GRM7: variants seen among roughly 807,000 people sequenced by gnomAD.
The protein encoded by GRM7 is glutamate metabotropic receptor 7, also known as metabotropic glutamate receptor 7.
Under a neutral mutation model 84.5 loss-of-function variants are expected in GRM7, and 35 were observed. The observed-to-expected ratio is 0.41, with a 90% confidence interval of 0.32 to 0.55. GRM7 has a LOEUF of 0.55. Ranked by LOEUF, GRM7 falls within the 20% of genes least tolerant of loss-of-function variation. The pLI is 0.19. For synonymous variants in GRM7, 487 were observed against 455.1 expected (o/e 1.07, Z -0.89); for missense variants, 1,003 against 1,194.6 (o/e 0.84, Z 2.36).
At chr3:7,245,120 A>G (rs1697709398) in intron 2 of GRM7, among the ~76,000 whole-genome samples, 1 of 152,088 alleles carries the variant, frequency 6.6e-6, no homozygotes, top group Admixed American at 6.6e-5. Flanking sequence ...AGAAATCTCA[A>G]CTGAAACCCA....
intron 1 of GRM7, among the ~76,000 whole-genome samples, chr3:6,936,669 T>C (rs185713310): frequency 6.6e-6 from 1 of 152,334 alleles, no homozygotes; most frequent in Admixed American, 6.5e-5. Context: ...AGTCTTCTAA[T>C]CTTTGTGTGT....
At chr3:7,688,338 T>TTGCTTAATAATGCTTAATAATAAA (rs1253165993) in intron 9 of GRM7, among the ~76,000 whole-genome samples, 28 of 152,248 alleles carry the variant, frequency 1.8e-4, no homozygotes, top group African/African-American at 5.5e-4. Flanking sequence ...AGGGGAATAA[T>TTGCTTAATAATGCTTAATAATAAA]TGCTTAATAA....
At chr3:7,338,383 T>C (rs1048511413) in intron 4 of GRM7, among the ~76,000 whole-genome samples, 1 of 151,868 alleles carries the variant, frequency 6.6e-6, no homozygotes, top group African/African-American at 2.4e-5. Context: ...AGACTACACA[T>C]TGGGTGCAGT....
intron 1 of GRM7, among the ~76,000 whole-genome samples, chr3:6,956,307 C>T (rs1693045892): frequency 2.0e-5 from 3 of 152,154 alleles, no homozygotes. Context: ...TAATATTCTA[C>T]TATGGGTGTT....
At chr3:7,251,289 G>A (rs1465982969) in intron 2 of GRM7, among the ~76,000 whole-genome samples, 2 of 150,160 alleles carry the variant, frequency 1.3e-5, no homozygotes, top group Non-Finnish European at 2.9e-5. Flanking sequence ...AAGGGAAGTA[G>A]TTCAGTTACT....
At chr3:6,864,704 T>G (rs1390271644) in intron 1 of GRM7, among the ~76,000 whole-genome samples, 1 of 152,186 alleles carries the variant, frequency 6.6e-6, no homozygotes, top group African/African-American at 2.4e-5. Flanking sequence ...GAGATAAGAC[T>G]GTAGGCTAGA....
intron 1 of GRM7, among the ~76,000 whole-genome samples, chr3:6,872,546 G>GTTC (rs1695157451): frequency 6.6e-6 from 1 of 152,030 alleles, no homozygotes; most frequent in African/African-American, 2.4e-5. Flanking sequence ...ATGTGCCATG[G>GTTC]TGGTTTGCTG....
chr3:7,161,019 T>A (rs1574975252), intron 2 of GRM7, among the ~76,000 whole-genome samples: 1 of 152,146 alleles, frequency 6.6e-6, no homozygotes, highest in Non-Finnish European at 1.5e-5. Context: ...TTAACCACCA[T>A]GGGAAAATTA....
chr3:7,645,116 G>T (rs1245039605), intron 8 of GRM7, among the ~76,000 whole-genome samples: 1 of 152,034 alleles, frequency 6.6e-6, no homozygotes, highest in African/African-American at 2.4e-5. Flanking sequence ...AATGAGCCTT[G>T]CCTACCACCA....
At chr3:7,318,464 C>G (rs928868264) in intron 4 of GRM7, among the ~76,000 whole-genome samples, 3 of 151,796 alleles carry the variant, frequency 2.0e-5, no homozygotes, top group South Asian at 4.2e-4. Context: ...AAATACAGGG[C>G]TTAATATGAA....
rs537040698 is a variant in GRM7 at position 7,573,014 on chromosome 3, G to A, written c.1516-5408G>A. Among the ~76,000 whole-genome samples the A allele has an allele frequency of 2.5e-4, 37 of 149,952 alleles. No individual in the cohort carries two copies. The South Asian group carries it at 4.5e-3, about 18-fold the overall frequency. ...GTAATATAGTCCCTAAATTCTGTTC[G>A]CTGTCTAGTCATGCTACTTAATGTT... On this transcript the variant is annotated intron_variant, in intron 7 of 9. Coordinates refer to ENST00000357716, the MANE Select transcript of GRM7 (RefSeq NM_000844.4).
intron 1 of GRM7, among the ~76,000 whole-genome samples, chr3:7,125,661 A>T (rs1032068219): frequency 5.9e-5 from 9 of 152,224 alleles, no homozygotes; most frequent in Admixed American, 2.6e-4. Context: ...GTTGGGCTAC[A>T]TTCCATATTG....
At chr3:7,068,005 G>A (rs1191230338) in intron 1 of GRM7, among the ~76,000 whole-genome samples, 1 of 151,932 alleles carries the variant, frequency 6.6e-6, no homozygotes, top group Non-Finnish European at 1.5e-5. Flanking sequence ...CTGCCATCCT[G>A]TAATGTAGTT....
intron 9 of GRM7, chr3:7,680,583 T>G: frequency 2.5e-6 from 1 of 394,094 alleles, no homozygotes; most frequent in African/African-American, 2.0e-5. Context: ...AACTGACAAA[T>G]GCACCTATCA....
intron 4 of GRM7, among the ~76,000 whole-genome samples, chr3:7,347,628 CA>C (rs1692949435): frequency 6.6e-6 from 1 of 152,152 alleles, no homozygotes; most frequent in Admixed American, 6.5e-5. Context: ...TCTCAATACT[CA>C]ATTTTGTTCT....
At chr3:7,149,444 G>A (rs887953158) in intron 2 of GRM7, among the ~76,000 whole-genome samples, 12 of 152,150 alleles carry the variant, frequency 7.9e-5, no homozygotes, top group Non-Finnish European at 1.8e-4. Flanking sequence ...AAAACAATAA[G>A]AAAATAAAAG....
At chr3:7,329,823 C>A (rs1701130488) in intron 4 of GRM7, among the ~76,000 whole-genome samples, 1 of 152,008 alleles carries the variant, frequency 6.6e-6, no homozygotes, top group Admixed American at 6.6e-5. Flanking sequence ...CTTAGATATG[C>A]ATAACATATA....
intron 4 of GRM7, among the ~76,000 whole-genome samples, chr3:7,311,129 T>C (rs2125041113): frequency 6.6e-6 from 1 of 152,256 alleles, no homozygotes; most frequent in South Asian, 2.1e-4. Context: ...AAGAATAAAA[T>C]AGTAAAGAGA....
intron 2 of GRM7, among the ~76,000 whole-genome samples, chr3:7,253,846 A>G (rs759047112): frequency 4.6e-5 from 7 of 152,128 alleles, no homozygotes; most frequent in Non-Finnish European, 7.3e-5. Context: ...GCATATATGC[A>G]TGGATTTTGC....
Sources: gnomAD v4.1 joint callset for allele counts (sites outside exome capture counted in the v4.1 genomes callset) on GRCh38, gnomAD v4.1.1 for gene constraint, MANE v1.5 for transcripts, NCBI Gene and HGNC (gene_info 2026-07-23, HGNC 2026-07-21) for gene names.